Variants in NOXA1 observed in about 807,000 individuals in gnomAD.
NOXA1 encodes NADPH oxidase activator 1.
Under a neutral mutation model 64.8 loss-of-function variants are expected in NOXA1, and 56 were observed. That is an observed-to-expected ratio of 0.86 (90% CI 0.70 to 1.08). NOXA1 has a LOEUF of 1.08. Among genes scored for constraint, NOXA1 ranks in the 50% least tolerant of loss-of-function variants. The pLI, the probability that NOXA1 is intolerant of heterozygous loss-of-function variation, is 0.00. For synonymous variants in NOXA1, 295 were observed against 294.8 expected (o/e 1.00, Z -0.01); for missense variants, 668 against 658.5 (o/e 1.01, Z -0.16).
In NOXA1 at chr9:137,432,941, C is replaced by G. The variant is rs1003772200; in HGVS notation, c.805-88C>G. ...GCTGGGTGCTGGCCGGGCACACAGG[C>G]CACACCCTTGGTGTGGGCTCTGCGA... On this transcript the variant is annotated intron_variant, in intron 8 of 13. Coordinates refer to ENST00000683555, the MANE Select transcript of NOXA1 (RefSeq NM_001256067.2). 6.2e-6 allele frequency: 9 copies of G among 1,456,256 alleles called. No individual in the cohort carries two copies. In the South Asian group the frequency reaches 1.1e-4, roughly 17 times the overall value. 90.2% of individuals were successfully genotyped at this position (1,456,256 alleles called of 1,614,324 possible). A position where few individuals can be genotyped will look rare whatever the true frequency, so the allele number is the denominator to read the frequency against.
intron 1 of NOXA1, among the ~76,000 whole-genome samples, chr9:137,424,676 G>C (rs1240373796): frequency 1.3e-5 from 2 of 152,184 alleles, no homozygotes; most frequent in Non-Finnish European, 2.9e-5. Flanking sequence ...GACCTCAGGT[G>C]ATCCACCCTC....
At chr9:137,424,496 G>C (rs1838753377) in intron 1 of NOXA1, among the ~76,000 whole-genome samples, 1 of 152,146 alleles carries the variant, frequency 6.6e-6, no homozygotes, top group Non-Finnish European at 1.5e-5. Flanking sequence ...ATGGAGTGCC[G>C]TGGCCCAATC....
chr9:137,423,565 C>G lies in NOXA1; in HGVS notation c.36C>G (p.His12Gln). ...TGGGGGACCTGGTGCGCGCCTGGCACCTGGGCGCGCAGGCTGTGGATCGTG... is the reference window on the plus strand; with the variant it reads ...TGGGGGACCTGGTGCGCGCCTGGCAGCTGGGCGCGCAGGCTGTGGATCGTG... ...ASLGDLVRAW[H>Q]LGAQAVDRGD... The change falls in exon 1 of 14, where the codon CAC becomes CAG. Residue 12 changes from histidine (H) to glutamine (Q), a missense_variant. By Grantham distance (24) the His-to-Gln change is conservative. Transcript: ENST00000683555. 3.4e-6 allele frequency: 5 copies of G among 1,455,008 alleles called. No individual in the cohort carries two copies. Among genetic ancestry groups the G allele is most frequent in the Non-Finnish European group, 4.5e-6 (5 of 1,101,746 alleles). 90.1% of individuals were successfully genotyped at this position (1,455,008 alleles called of 1,614,324 possible).
Position 137,434,327 on chromosome 9 carries a change from C to T in NOXA1, c.1398C>T (p.Arg466=). 2 of 1,607,324 alleles carry T rather than the reference C, an allele frequency of 1.2e-6. No individual in the cohort carries two copies. Among genetic ancestry groups the T allele is most frequent in the South Asian group, 2.2e-5 (2 of 90,756 alleles). ...CTCGGATGTCAGGAGCCCCCGGCCG[C>T]CTGCCCCGATCCCAGCAGGGAGATC... ...AGPRMSGAPG[R]LPRSQQGDQP is the part of the protein sequence containing the mutation. The change falls in exon 14 of 14, where the codon CGC becomes CGT. Residue 466 remains arginine, a synonymous_variant. Transcript: ENST00000683555.
At chr9:137,425,630 C>T (rs1160349940) in intron 1 of NOXA1, among the ~76,000 whole-genome samples, 1 of 152,204 alleles carries the variant, frequency 6.6e-6, no homozygotes, top group East Asian at 1.9e-4. Context: ...AGGTGATCCG[C>T]CCACCTCAGC....
chr9:137,434,007 CA>C lies in NOXA1; in HGVS notation c.1223del (p.His408ProfsTer?). The C allele has an allele frequency of 6.4e-7, 1 of 1,566,804 alleles. No individual in the cohort carries two copies. The highest frequency in any genetic ancestry group is 8.6e-7 in the Non-Finnish European group (1 of 1,159,892). ...RPVLYQVVAQHSYSAQGPEDL... is the reference protein window; with the variant it reads ...RPVLYQVVAQXSYSAQGPEDL... The stretch of plus-strand genomic sequence containing the variant: ...GGTCCTCTACCAGGTGGTGGCCCAG[CA>C]CAGCTACTCCGCCCAGGGGCCAGAG... On this transcript the variant is annotated frameshift_variant, in exon 13 of 14. Transcript: ENST00000683555. LOFTEE classifies it high-confidence loss of function.
At chr9:137,432,118 C>T (rs115178089) in intron 8 of NOXA1, among the ~76,000 whole-genome samples, 1,892 of 152,122 alleles carry the variant, frequency 0.012, 43 homozygotes, top group African/African-American at 0.042. Flanking sequence ...TCTGATAAAT[C>T]TAATAATAAG....
At chr9:137,430,391 G>T (rs1839059827) in intron 5 of NOXA1, among the ~76,000 whole-genome samples, 1 of 152,162 alleles carries the variant, frequency 6.6e-6, no homozygotes, top group African/African-American at 2.4e-5. Context: ...ACGCCCCATT[G>T]GCTGGCCACG....
At position 137,431,342 on chromosome 9, in the gene NOXA1, G is replaced by A. The variant is rs1839101648; in HGVS notation, c.804+1G>A. ...CACGTCGACTGCCTACCAGGAGCAGGTGCGTGGGCCTGGGCCTCTTCCCCT... is the reference window on the plus strand; with the variant it reads ...CACGTCGACTGCCTACCAGGAGCAGATGCGTGGGCCTGGGCCTCTTCCCCT... On this transcript the variant is annotated splice_donor_variant, in intron 8 of 13. Coordinates refer to ENST00000683555, the MANE Select transcript of NOXA1 (RefSeq NM_001256067.2). LOFTEE classifies it high-confidence loss of function. This position sits in a 1 kb window ranked among gnomAD's most constrained non-coding sequence, Gnocchi z 5.6. 3.7e-6 allele frequency: 6 copies of A among 1,606,708 alleles called. 1 individual carries two copies. Among genetic ancestry groups the A allele is most frequent in the East Asian group, 4.5e-5 (2 of 44,860 alleles).
chr9:137,430,991 G>C (rs886495656), intron 6 of NOXA1, 84 bp from the exon 7 acceptor site: 6 of 1,606,628 alleles, frequency 3.7e-6, no homozygotes, highest in Non-Finnish European at 5.1e-6. Flanking sequence ...GTAAGACCTG[G>C]GGAAACCACT....
In NOXA1 at chr9:137,429,383, G is replaced by A. The variant is rs368490050; in HGVS notation, c.612G>A (p.Lys204=). 33 of 1,568,110 alleles carry A rather than the reference G, an allele frequency of 2.1e-5. No individual in the cohort carries two copies. In the African/African-American group the frequency reaches 3.9e-4, roughly 19 times the overall value. Residue 204 remains lysine, a splice_region_variant and synonymous_variant, in exon 5 of 14, where the codon AAG becomes AAA. Coordinates refer to ENST00000683555, the MANE Select transcript of NOXA1 (RefSeq NM_001256067.2). ...CCGTGGATTTCCTGGGCAAGGCCAA[G>A]GTAAAGGTGGGGACGGCGTCCTGGG... ...LEPVDFLGKA[K]VVASAIPDDQ...
At chr9:137,423,796 G>A (rs1838688789) in intron 1 of NOXA1, 90 bp downstream of exon 1, 1 of 1,082,888 alleles carries the variant, frequency 9.2e-7, no homozygotes, top group Non-Finnish European at 1.2e-6. Flanking sequence ...CCGTCACGGG[G>A]TCGCCCTGCC....
chr9:137,428,800 G>A (rs1287201847), intron 3 of NOXA1, 82 bp from the exon 4 acceptor site: 67 of 1,418,776 alleles, frequency 4.7e-5, no homozygotes, highest in Middle Eastern at 2.5e-4. Context: ...TGGGCAGACC[G>A]AGGGAGGAGC....
At chr9:137,425,297 C>G (rs750238944) in intron 1 of NOXA1, among the ~76,000 whole-genome samples, 4 of 152,252 alleles carry the variant, frequency 2.6e-5, no homozygotes, top group African/African-American at 4.8e-5. Context: ...GCTTTACACA[C>G]AGATAAACAC....
At position 137,431,224 on chromosome 9, in the gene NOXA1, T is replaced by C. The variant is rs771225412; in HGVS notation, c.699-12T>C. Reference sequence around the variant, plus strand: ...GATGGGCAGGGCCTGAGAGCCTCCCTCCTCTCCCTAGGTCCCTAATCATGG... The same window carrying C: ...GATGGGCAGGGCCTGAGAGCCTCCCCCCTCTCCCTAGGTCCCTAATCATGG... On this transcript the variant is annotated splice_polypyrimidine_tract_variant and intron_variant, in intron 7 of 13. Transcript: ENST00000683555. The surrounding 1 kb of genome is among the most constrained non-coding windows in gnomAD (Gnocchi z 5.6). 1 of 1,609,428 alleles carries C rather than the reference T, an allele frequency of 6.2e-7. No individual in the cohort carries two copies. The highest frequency in any genetic ancestry group is 8.5e-7 in the Non-Finnish European group (1 of 1,177,218).
At position 137,431,021 on chromosome 9, in the gene NOXA1, G is replaced by C; in HGVS notation, c.673-54G>C. On this transcript the variant is annotated intron_variant, in intron 6 of 13. Transcript: ENST00000683555. The surrounding 1 kb of genome is among the most constrained non-coding windows in gnomAD (Gnocchi z 5.6). ...ACCACTCTTCAAGGTTCAGGAGGAG[G>C]GAGGGCGGCCCCCGACCCTTAACCA... 1.2e-6 allele frequency: 2 copies of C among 1,612,520 alleles called. No homozygotes were observed. Among genetic ancestry groups the C allele is most frequent in the Non-Finnish European group, 1.7e-6 (2 of 1,179,582 alleles).
chr9:137,432,526 G>A (rs986483474), intron 8 of NOXA1, among the ~76,000 whole-genome samples: 2 of 152,220 alleles, frequency 1.3e-5, no homozygotes, highest in African/African-American at 4.8e-5. Context: ...CTTATAGTGA[G>A]CCAAGATGGC....
intron 8 of NOXA1, among the ~76,000 whole-genome samples, chr9:137,432,718 G>C (rs368694698): frequency 2.0e-5 from 3 of 152,246 alleles, no homozygotes; most frequent in African/African-American, 7.2e-5. Context: ...CACAGAGGCC[G>C]GGGCCCAGGG....
chr9:137,433,716 C>A, intron 11 of NOXA1, 34 bp from the exon 12 acceptor site: 1 of 1,470,984 alleles, frequency 6.8e-7, no homozygotes, highest in Non-Finnish European at 9.1e-7. Context: ...GCAGGCCCCA[C>A]CCAGGAGGCC....
Sources: allele counts gnomAD v4.1 joint callset (sites outside exome capture counted in the v4.1 genomes callset), GRCh38; gene constraint gnomAD v4.1.1; non-coding constraint Gnocchi (gnomAD v3.1); transcripts MANE v1.5; gene names NCBI Gene and HGNC (gene_info 2026-07-23, HGNC 2026-07-21).